MDGA2: variants seen among roughly 807,000 people sequenced by gnomAD.
The protein encoded by MDGA2 is MAM domain-containing glycosylphosphatidylinositol anchor protein 2.
In MDGA2, 40 loss-of-function variants were observed where a neutral mutation model predicts 117.8. The observed-to-expected ratio is 0.34, with a 90% CI of 0.26 to 0.44. The LOEUF is 0.44. Among genes scored for constraint, MDGA2 ranks in the 20% least tolerant of loss-of-function variants. MDGA2 has a pLI of 1.00. For synonymous variants in MDGA2, 452 were observed against 439.0 expected, an observed-to-expected ratio of 1.03 and a Z score of -0.37; for missense variants, 1,123 against 1,250.6, an observed-to-expected ratio of 0.90 and a Z score of 1.54.
chr14:46,878,770 T>C (rs1202477502), intron 11 of MDGA2, among the ~76,000 whole-genome samples: 1 of 151,756 alleles, frequency 6.6e-6, no homozygotes, highest in Admixed American at 6.6e-5. Flanking sequence ...AATTATTTCA[T>C]AGTTAATATG....
At chr14:47,244,030 T>A (rs1594749634) in intron 2 of MDGA2, among the ~76,000 whole-genome samples, 1 of 151,830 alleles carries the variant, frequency 6.6e-6, no homozygotes, top group East Asian at 1.9e-4. Context: ...GATTTTCCCT[T>A]TTTTGGCATT....
In MDGA2 at chr14:46,923,706, T is replaced by C. The variant is rs370941464; in HGVS notation, c.2090-3546A>G. The stretch of plus-strand genomic sequence containing the variant: ...AAAGGAAAAATGCTTCCTGATTTTA[T>C]TGGAAAAGGGCATCTTAAATTTTTT... On this transcript the variant is annotated intron_variant, in intron 9 of 16. Coordinates refer to ENST00000399232, the MANE Select transcript of MDGA2 (RefSeq NM_001113498.3). Among the ~76,000 whole-genome samples, 43 of 152,166 alleles carry C rather than the reference T, an allele frequency of 2.8e-4. No homozygotes were observed. In the East Asian group the frequency reaches 6.6e-3, roughly 23 times the overall value.
chr14:47,340,811 T>C (rs187013074), intron 1 of MDGA2, among the ~76,000 whole-genome samples: 17 of 152,284 alleles, frequency 1.1e-4, no homozygotes, highest in Admixed American at 7.2e-4. Context: ...TTGATTATAA[T>C]TGACATTTTA....
intron 9 of MDGA2, 26 bp from the exon 10 acceptor site, chr14:46,920,186 T>C (rs1884071270): frequency 2.5e-6 from 4 of 1,601,164 alleles, no homozygotes; most frequent in African/African-American, 2.7e-5. Context: ...GTGCTTAAAT[T>C]TGAATGATGA....
At chr14:47,189,979 T>C (rs1446888826) in intron 3 of MDGA2, among the ~76,000 whole-genome samples, 1 of 152,202 alleles carries the variant, frequency 6.6e-6, no homozygotes, top group African/African-American at 2.4e-5. Flanking sequence ...CCAGAATTTG[T>C]CTGCCAAATC....
intron 2 of MDGA2, among the ~76,000 whole-genome samples, chr14:47,222,503 A>G (rs1886339018): frequency 6.6e-6 from 1 of 152,138 alleles, no homozygotes; most frequent in African/African-American, 2.4e-5. Flanking sequence ...GTAGAAAGTT[A>G]CAATACAGCT....
At chr14:47,636,294 C>T (rs748824633) in intron 1 of MDGA2, among the ~76,000 whole-genome samples, 8 of 152,180 alleles carry the variant, frequency 5.3e-5, no homozygotes, top group Non-Finnish European at 2.9e-5. Flanking sequence ...GCAACAACTT[C>T]TCAGTATAAC....
chr14:47,245,983 C>T (rs75730219), intron 2 of MDGA2, among the ~76,000 whole-genome samples: 1,732 of 151,834 alleles, frequency 0.011, 42 homozygotes, highest in African/African-American at 0.04. Flanking sequence ...AAGCAACTTT[C>T]TTGCTCAAAG....
At chr14:46,966,821 T>C (rs1886049859) in intron 8 of MDGA2, among the ~76,000 whole-genome samples, 1 of 151,772 alleles carries the variant, frequency 6.6e-6, no homozygotes, top group Non-Finnish European at 1.5e-5. Flanking sequence ...TTAGTTCTAA[T>C]ATTTAAATCC....
At chr14:47,334,092 G>A (rs763478435) in intron 1 of MDGA2, among the ~76,000 whole-genome samples, 1 of 151,672 alleles carries the variant, frequency 6.6e-6, no homozygotes, top group Non-Finnish European at 1.5e-5. Context: ...GTGATATATA[G>A]AATATTTGAA....
At chr14:47,343,897 C>T (rs1451159818) in intron 1 of MDGA2, among the ~76,000 whole-genome samples, 2 of 152,036 alleles carry the variant, frequency 1.3e-5, no homozygotes, top group African/African-American at 4.8e-5. Flanking sequence ...TGAAAACCAA[C>T]AAAGCTATTC....
At chr14:47,397,987 T>C (rs1207179921) in intron 1 of MDGA2, among the ~76,000 whole-genome samples, 1 of 152,198 alleles carries the variant, frequency 6.6e-6, no homozygotes, top group Non-Finnish European at 1.5e-5. Flanking sequence ...AACTTTCATA[T>C]ATTTTCATTT....
At chr14:47,367,717 T>G (rs1891260472) in intron 1 of MDGA2, among the ~76,000 whole-genome samples, 1 of 152,326 alleles carries the variant, frequency 6.6e-6, no homozygotes, top group South Asian at 2.1e-4. Flanking sequence ...AACATACGTT[T>G]CTTGACCTCC....
chr14:46,990,830 T>C (rs1239554790), intron 8 of MDGA2, among the ~76,000 whole-genome samples: 4 of 151,302 alleles, frequency 2.6e-5, no homozygotes, highest in Admixed American at 6.7e-5. Context: ...CTTCTAGTTA[T>C]TGAATAATCA....
chr14:47,509,580 G>A (rs1894595313), intron 1 of MDGA2, among the ~76,000 whole-genome samples: 1 of 152,258 alleles, frequency 6.6e-6, no homozygotes, highest in African/African-American at 2.4e-5. Flanking sequence ...TAGACAGAGA[G>A]CCACTGGGGT....
chr14:46,884,101 T>C lies in MDGA2; in HGVS notation c.2239-1880A>G, dbSNP rs944045184. Among the ~76,000 whole-genome samples the C allele has an allele frequency of 6.6e-6, 1 of 152,096 alleles. No homozygotes were observed. Among genetic ancestry groups the C allele is most frequent in the Non-Finnish European group, 1.5e-5 (1 of 67,998 alleles). On this transcript the variant is annotated intron_variant, in intron 10 of 16. Transcript: ENST00000399232. The surrounding 1 kb of genome is among the most constrained non-coding windows in gnomAD (Gnocchi z 4.1). Reference sequence around the variant, plus strand: ...AGACATATTCTGTATAGATGTACCATTGTTTCTGACATGCTCCTAAGGTCA... The same window carrying C: ...AGACATATTCTGTATAGATGTACCACTGTTTCTGACATGCTCCTAAGGTCA...
intron 1 of MDGA2, among the ~76,000 whole-genome samples, chr14:47,605,739 C>A (rs1896730852): frequency 6.6e-6 from 1 of 152,114 alleles, no homozygotes; most frequent in Non-Finnish European, 1.5e-5. Flanking sequence ...GACTGATAAT[C>A]CCCCACAAAA....
At chr14:47,596,342 C>T (rs1005716247) in intron 1 of MDGA2, among the ~76,000 whole-genome samples, 4 of 152,110 alleles carry the variant, frequency 2.6e-5, no homozygotes, top group African/African-American at 4.8e-5. Context: ...AGAACTGAAA[C>T]CTGAAAACAG....
At chr14:47,007,237 A>G (rs1396223525) in intron 8 of MDGA2, among the ~76,000 whole-genome samples, 3 of 151,870 alleles carry the variant, frequency 2.0e-5, no homozygotes, top group Non-Finnish European at 4.4e-5. Flanking sequence ...AATGTTATGT[A>G]TTGAACAAGC....
Sources: gnomAD v4.1 joint callset for allele counts (sites outside exome capture counted in the v4.1 genomes callset) on GRCh38, gnomAD v4.1.1 for gene constraint, Gnocchi (gnomAD v3.1) non-coding constraint, MANE v1.5 for transcripts, NCBI Gene and HGNC (gene_info 2026-07-23, HGNC 2026-07-21) for gene names.